The following FRYL variants were observed in gnomAD, a reference collection of about 807,000 sequenced individuals.
FRYL encodes the protein FRY like transcription coactivator, also known as protein furry homolog-like.
In FRYL, 150 loss-of-function variants were observed where a neutral mutation model predicts 351.2. That is an observed-to-expected ratio of 0.43 (90% CI 0.37 to 0.49). FRYL has a LOEUF of 0.49. FRYL is among the 20% of genes least tolerant of loss of function. The pLI is 0.00. For synonymous variants in FRYL, 1,153 were observed against 1,257.1 expected, an observed-to-expected ratio of 0.92 and a Z score of 1.75; for missense variants, 3,036 against 3,619.3, an observed-to-expected ratio of 0.84 and a Z score of 4.13.
At chr4:48,635,229 C>T (rs945389776) in intron 3 of FRYL, among the ~76,000 whole-genome samples, 11 of 152,034 alleles carry the variant, frequency 7.2e-5, no homozygotes, top group African/African-American at 2.7e-4. Flanking sequence ...CAGTGGAAAG[C>T]ATTAATATGG....
chr4:48,509,949 G>C (rs1722129729), intron 59 of FRYL, 110 bp downstream of exon 59: 2 of 660,022 alleles, frequency 3.0e-6, no homozygotes, highest in Non-Finnish European at 5.3e-6. Flanking sequence ...GGAAAACCCT[G>C]AGGCAGGTGC....
At chr4:48,563,837 C>T (rs369209136) in intron 31 of FRYL, 111 bp downstream of exon 31, 31 of 1,165,396 alleles carry the variant, frequency 2.7e-5, no homozygotes, top group African/African-American at 2.3e-4. Flanking sequence ...CAATCCCCCA[C>T]AGATACTGAA....
At chr4:48,551,626 A>G (rs750197730) in intron 36 of FRYL, 48 bp from the exon 37 acceptor site, 3 of 1,144,528 alleles carry the variant, frequency 2.6e-6, no homozygotes, top group Admixed American at 3.6e-5. Context: ...AACCTGGAAT[A>G]ACCCAATAAG....
intron 50 of FRYL, among the ~76,000 whole-genome samples, chr4:48,528,608 CA>C (rs1229287670): frequency 1.3e-5 from 2 of 151,962 alleles, no homozygotes; most frequent in Non-Finnish European, 2.9e-5. Context: ...CTTTAAAAAC[CA>C]CCATCTCCAC....
At chr4:48,596,396 T>C (rs1744599170) in intron 13 of FRYL, among the ~76,000 whole-genome samples, 1 of 152,146 alleles carries the variant, frequency 6.6e-6, no homozygotes, top group African/African-American at 2.4e-5. Context: ...ATAGTTAAAA[T>C]TCAGAACACC....
intron 1 of FRYL, among the ~76,000 whole-genome samples, chr4:48,733,380 T>C (rs984179253): frequency 2.0e-5 from 3 of 151,574 alleles, no homozygotes; most frequent in Admixed American, 6.6e-5. Context: ...AACTTCCTCA[T>C]AGAAACAAAA....
At chr4:48,739,785 A>C (rs2149644626) in intron 1 of FRYL, among the ~76,000 whole-genome samples, 1 of 152,310 alleles carries the variant, frequency 6.6e-6, no homozygotes, top group East Asian at 1.9e-4. Context: ...ATTGAGACAC[A>C]GGGCCTTTAA....
chr4:48,718,654 A>C (rs1387572810), intron 1 of FRYL, among the ~76,000 whole-genome samples: 1 of 151,486 alleles, frequency 6.6e-6, no homozygotes, highest in Non-Finnish European at 1.5e-5. Flanking sequence ...CTCTACAGAC[A>C]CCTTCAACTG....
chr4:48,608,761 T>C (rs1747384936), intron 9 of FRYL, among the ~76,000 whole-genome samples: 1 of 152,170 alleles, frequency 6.6e-6, no homozygotes, highest in Non-Finnish European at 1.5e-5. Context: ...TTTGTTCGAT[T>C]CAGACATTTA....
intron 2 of FRYL, 30 bp from the exon 3 acceptor site, chr4:48,684,825 T>C (rs979407432): frequency 3.9e-5 from 6 of 152,220 alleles, no homozygotes; most frequent in African/African-American, 1.2e-4. Flanking sequence ...ATTTACACGT[T>C]AGGTGCGTTT....
intron 20 of FRYL, among the ~76,000 whole-genome samples, chr4:48,582,130 C>T (rs1001279033): frequency 6.6e-6 from 1 of 152,168 alleles, no homozygotes; most frequent in African/African-American, 2.4e-5. Flanking sequence ...AGCACAGTTA[C>T]TGTCTATGTG....
intron 4 of FRYL, among the ~76,000 whole-genome samples, chr4:48,633,024 A>ATAGC (rs1183402209): frequency 2.6e-5 from 4 of 152,140 alleles, no homozygotes; most frequent in Non-Finnish European, 5.9e-5. Context: ...TTGGTGGTGA[A>ATAGC]TAGCTATCCC....
intron 47 of FRYL, among the ~76,000 whole-genome samples, chr4:48,536,541 T>C (rs1016054221): frequency 1.3e-5 from 2 of 152,220 alleles, no homozygotes; most frequent in African/African-American, 4.8e-5. Context: ...GGAATTTTAC[T>C]GACTGAATGC....
At chr4:48,676,817 A>T (rs1197657917) in intron 3 of FRYL, among the ~76,000 whole-genome samples, 1 of 152,248 alleles carries the variant, frequency 6.6e-6, no homozygotes, top group Non-Finnish European at 1.5e-5. Flanking sequence ...ATTAATCTTT[A>T]TGAAGTCTAA....
chr4:48,607,428 C>T (rs1211836404), intron 9 of FRYL, among the ~76,000 whole-genome samples: 3 of 151,924 alleles, frequency 2.0e-5, no homozygotes, highest in African/African-American at 7.3e-5. Context: ...AATATGATAC[C>T]ATTTTTCATG....
intron 4 of FRYL, among the ~76,000 whole-genome samples, chr4:48,627,284 C>T (rs1195568524): frequency 6.6e-6 from 1 of 152,024 alleles, no homozygotes; most frequent in Non-Finnish European, 1.5e-5. Context: ...ACTTATTTGA[C>T]TTATTTGATC....
chr4:48,634,461 A>G lies in FRYL; in HGVS notation c.-51T>C. 1 of 1,611,464 alleles carries G rather than the reference A, an allele frequency of 6.2e-7. No individual in the cohort carries two copies. The highest frequency in any genetic ancestry group is 8.5e-7 in the Non-Finnish European group (1 of 1,178,336). On this transcript the variant is annotated 5_prime_UTR_variant, in exon 4 of 64. Transcript: ENST00000358350. ...GAATGAAAGTTGGAAGAAGCACAGT[A>G]TTTATTTACTTTGCTGACTGGCGCT...
intron 35 of FRYL, 72 bp from the exon 36 acceptor site, chr4:48,553,455 T>C: frequency 1.9e-6 from 2 of 1,057,360 alleles, no homozygotes; most frequent in Non-Finnish European, 2.8e-6. Context: ...TGAGACAAAC[T>C]TTATCAGAGT....
intron 28 of FRYL, among the ~76,000 whole-genome samples, chr4:48,566,998 T>C (rs190051685): frequency 1.3e-5 from 2 of 152,330 alleles, no homozygotes; most frequent in South Asian, 2.1e-4. Flanking sequence ...GCTTATTCTA[T>C]TGATTTCTCC....
Sources: gnomAD v4.1 joint callset for allele counts (sites outside exome capture counted in the v4.1 genomes callset) on GRCh38, gnomAD v4.1.1 for gene constraint, MANE v1.5 for transcripts, NCBI Gene and HGNC (gene_info 2026-07-23, HGNC 2026-07-21) for gene names.